Variants in CCDC60 observed in about 807,000 individuals in gnomAD.
The protein encoded by CCDC60 is coiled-coil domain-containing protein 60.
Under a neutral mutation model 63.5 loss-of-function variants are expected in CCDC60, and 54 were observed. The ratio of observed to expected loss-of-function variants is 0.85; its 90% CI spans 0.68 to 1.07. The LOEUF is 1.07. CCDC60 is among the 50% of genes least tolerant of loss of function. The pLI, the probability that CCDC60 is intolerant of heterozygous loss-of-function variation, is 0.00. For missense variants in CCDC60, 651 were observed against 684.3 expected, an observed-to-expected ratio of 0.95 and a Z score of 0.54; for synonymous variants, 206 against 238.8, an observed-to-expected ratio of 0.86 and a Z score of 1.27.
chr12:119,381,873 T>C (rs1428588873), intron 1 of CCDC60, among the ~76,000 whole-genome samples: 1 of 152,192 alleles, frequency 6.6e-6, no homozygotes, highest in Non-Finnish European at 1.5e-5. Flanking sequence ...GCAGGTGACA[T>C]GGGGAGGTGC....
intron 8 of CCDC60, among the ~76,000 whole-genome samples, chr12:119,518,254 G>T (rs767585306): frequency 3.9e-5 from 6 of 152,134 alleles, no homozygotes; most frequent in Admixed American, 6.5e-5. Flanking sequence ...GCTCAATGAG[G>T]CTCCTTCCTT....
intron 4 of CCDC60, chr12:119,479,499 G>T: frequency 3.0e-6 from 1 of 334,690 alleles, no homozygotes; most frequent in Admixed American, 4.3e-5. Flanking sequence ...CTCATCGAGT[G>T]TGTGCGAGAA....
At chr12:119,416,878 T>C (rs1463410099) in intron 1 of CCDC60, among the ~76,000 whole-genome samples, 1 of 152,122 alleles carries the variant, frequency 6.6e-6, no homozygotes, top group Non-Finnish European at 1.5e-5. Context: ...CCCAGCACTT[T>C]GGGAGGCTGA....
intron 8 of CCDC60, among the ~76,000 whole-genome samples, chr12:119,519,526 G>A (rs1027220265): frequency 3.4e-5 from 5 of 148,472 alleles, no homozygotes; most frequent in East Asian, 4.0e-4. Flanking sequence ...GCAGTGGTGC[G>A]ATCTCGGATC....
At chr12:119,430,595 AG>A (rs1379560333) in intron 2 of CCDC60, among the ~76,000 whole-genome samples, 1 of 143,830 alleles carries the variant, frequency 7.0e-6, no homozygotes, top group Admixed American at 7.6e-5. Context: ...TGAACCCAGG[AG>A]GCGGAACTTG....
intron 1 of CCDC60, among the ~76,000 whole-genome samples, chr12:119,381,445 A>G (rs2136185800): frequency 6.6e-6 from 1 of 152,304 alleles, no homozygotes; most frequent in South Asian, 2.1e-4. Flanking sequence ...TGTGGTTGCC[A>G]AGCAAACGTG....
At position 119,474,301 on chromosome 12, in the gene CCDC60, G is replaced by A. The variant is rs187516856; in HGVS notation, c.341+2137G>A. Among the ~76,000 whole-genome samples the A allele has an allele frequency of 5.3e-5, 8 of 152,342 alleles. No homozygotes were observed. In the East Asian group the frequency reaches 1.5e-3, roughly 29 times the overall value. ...CTGCCTTCAGGAATCCAAACTGCCAGGTCATTTGCCAAAAATGAAATGGAA... is the reference window on the plus strand; with the variant it reads ...CTGCCTTCAGGAATCCAAACTGCCAAGTCATTTGCCAAAAATGAAATGGAA... On this transcript the variant is annotated intron_variant, in intron 3 of 13. Coordinates refer to ENST00000327554, the MANE Select transcript of CCDC60 (RefSeq NM_178499.5).
chr12:119,410,860 A>G lies in CCDC60; in HGVS notation c.91-17823A>G, dbSNP rs1163447606. On this transcript the variant is annotated intron_variant, in intron 1 of 13. Transcript: ENST00000327554. The surrounding 1 kb of genome is among the most constrained non-coding windows in gnomAD (Gnocchi z 4.0). ...CCAGCTCAAGCAATTCTCCTGCCTC[A>G]GCCTTCTGAGTAGCTGGGACTACAG... Among the ~76,000 whole-genome samples, 2 of 152,168 alleles carry G rather than the reference A, an allele frequency of 1.3e-5. No homozygotes were observed. Among genetic ancestry groups the G allele is most frequent in the Non-Finnish European group, 2.9e-5 (2 of 68,036 alleles).
At chr12:119,403,776 T>C (rs974868057) in intron 1 of CCDC60, among the ~76,000 whole-genome samples, 2 of 152,158 alleles carry the variant, frequency 1.3e-5, no homozygotes, top group Non-Finnish European at 2.9e-5. Context: ...TCCATCCCGA[T>C]CTTTGCAAAT....
At chr12:119,423,240 T>C (rs1001490401) in intron 1 of CCDC60, among the ~76,000 whole-genome samples, 7 of 152,186 alleles carry the variant, frequency 4.6e-5, no homozygotes, top group African/African-American at 1.7e-4. Context: ...CATGGAAAAC[T>C]CTGGGAACCT....
chr12:119,377,210 G>A (rs1593002154), intron 1 of CCDC60, among the ~76,000 whole-genome samples: 5 of 133,938 alleles, frequency 3.7e-5, no homozygotes, highest in African/African-American at 8.3e-5. Context: ...AGCTGAGATC[G>A]TGCAACTGCA....
intron 8 of CCDC60, among the ~76,000 whole-genome samples, chr12:119,519,545 C>G (rs1952454759): frequency 6.6e-6 from 1 of 150,656 alleles, no homozygotes; most frequent in Non-Finnish European, 1.5e-5. Flanking sequence ...TCACTGCAAC[C>G]TCTGCCTCCC....
rs1268613283 is a variant in CCDC60, at chr12:119,472,287, T to C, written c.341+123T>C. On this transcript the variant is annotated intron_variant, in intron 3 of 13. Transcript: ENST00000327554. Reference sequence around the variant, plus strand: ...GCACGTGCCCCTTCTCAGCCTGGCATCTAACACCTTCTTTAGTGTGGTCCA... The same window carrying C: ...GCACGTGCCCCTTCTCAGCCTGGCACCTAACACCTTCTTTAGTGTGGTCCA... 5.9e-6 allele frequency: 5 copies of C among 843,990 alleles called. No homozygotes were observed. The East Asian group carries it at 9.7e-5, about 16-fold the overall frequency. 52.3% of individuals were successfully genotyped at this position (843,990 alleles called of 1,614,324 possible). A position where few individuals can be genotyped will look rare whatever the true frequency, so the allele number is the denominator to read the frequency against.
At chr12:119,500,022 T>C in intron 5 of CCDC60, 56 bp from the exon 6 acceptor site, 1 of 1,204,532 alleles carries the variant, frequency 8.3e-7, no homozygotes, top group Non-Finnish European at 1.2e-6. Context: ...TTAAAAGAAC[T>C]TGTAATAAAC....
At chr12:119,445,643 T>G (rs1227940835) in intron 2 of CCDC60, among the ~76,000 whole-genome samples, 2 of 152,128 alleles carry the variant, frequency 1.3e-5, no homozygotes, top group Non-Finnish European at 2.9e-5. Flanking sequence ...GTGTCCCATT[T>G]TTTAAAAGTG....
At chr12:119,495,579 G>C (rs1951699948) in intron 5 of CCDC60, among the ~76,000 whole-genome samples, 1 of 152,160 alleles carries the variant, frequency 6.6e-6, no homozygotes, top group Non-Finnish European at 1.5e-5. Flanking sequence ...TCTTTTCCAA[G>C]TTTTTGCTTC....
intron 11 of CCDC60, among the ~76,000 whole-genome samples, chr12:119,526,835 T>C (rs772610263): frequency 1.3e-5 from 2 of 152,164 alleles, no homozygotes; most frequent in Non-Finnish European, 2.9e-5. Flanking sequence ...AGTTCAACCA[T>C]TGTGGAAAGC....
chr12:119,385,977 T>C (rs1348292939), intron 1 of CCDC60, among the ~76,000 whole-genome samples: 1 of 152,200 alleles, frequency 6.6e-6, no homozygotes, highest in Non-Finnish European at 1.5e-5. Flanking sequence ...TCTTTCCTAC[T>C]CAGAGCCCAG....
chr12:119,348,734 T>C (rs1955622892), intron 1 of CCDC60, among the ~76,000 whole-genome samples: 1 of 152,210 alleles, frequency 6.6e-6, no homozygotes, highest in South Asian at 2.1e-4. Flanking sequence ...CATGTTCTGG[T>C]ATATGTAATG....
Sources: allele counts gnomAD v4.1 joint callset (sites outside exome capture counted in the v4.1 genomes callset), GRCh38; gene constraint gnomAD v4.1.1; non-coding constraint Gnocchi (gnomAD v3.1); transcripts MANE v1.5; gene names NCBI Gene and HGNC (gene_info 2026-07-23, HGNC 2026-07-21).